Variants in MLLT10 observed in about 807,000 individuals in gnomAD.
MLLT10 encodes the protein MLLT10 histone lysine methyltransferase DOT1L cofactor, also known as protein AF-10.
Under a neutral mutation model 129.1 loss-of-function variants are expected in MLLT10, and 30 were observed. That is an observed-to-expected ratio of 0.23 (90% CI 0.17 to 0.32). MLLT10 has a LOEUF of 0.32. MLLT10 is among the 10% of genes least tolerant of loss of function. MLLT10 has a pLI of 1.00. For synonymous variants in MLLT10, 490 were observed against 446.4 expected, an observed-to-expected ratio of 1.10 and a Z score of -1.23; for missense variants, 1,119 against 1,268.3, an observed-to-expected ratio of 0.88 and a Z score of 1.79.
chr10:21,546,911 C>T (rs538256061), intron 3 of MLLT10, among the ~76,000 whole-genome samples: 4 of 152,106 alleles, frequency 2.6e-5, no homozygotes, highest in African/African-American at 9.6e-5. Flanking sequence ...ATAGTAGAGA[C>T]GGGGTTTCTC....
intron 3 of MLLT10, among the ~76,000 whole-genome samples, chr10:21,561,390 A>T (rs1279987707): frequency 6.6e-6 from 1 of 152,120 alleles, no homozygotes; most frequent in Non-Finnish European, 1.5e-5. Flanking sequence ...CCTTCCGAGT[A>T]GCTGGGACTA....
chr10:21,682,347 T>C (rs2052827005), intron 13 of MLLT10, 90 bp downstream of exon 13: 1 of 1,268,672 alleles, frequency 7.9e-7, no homozygotes, highest in Non-Finnish European at 1.1e-6. Context: ...GCATGTTCTA[T>C]TGATTAGATG....
chr10:21,553,118 ATCT>A (rs1158451211), intron 3 of MLLT10, among the ~76,000 whole-genome samples: 1 of 152,132 alleles, frequency 6.6e-6, no homozygotes, highest in East Asian at 1.9e-4. Context: ...AAGAAGGCAC[ATCT>A]TCTGGCAGCT....
chr10:21,539,851 A>G (rs575249067), intron 3 of MLLT10, among the ~76,000 whole-genome samples: 21 of 152,160 alleles, frequency 1.4e-4, no homozygotes, highest in African/African-American at 4.8e-4. Context: ...AGGCTGAGGC[A>G]GGAGAATGGC....
chr10:21,733,892 C>T lies in MLLT10; in HGVS notation c.2621C>T (p.Thr874Ile). Residue 874 changes from threonine to isoleucine, a missense_variant, in exon 20 of 23, where the codon ACA becomes ATA. Physicochemically the swap from Thr to Ile is moderately conservative, Grantham distance 89. Around this residue, in one of 5 missense-constraint regions of MLLT10, gnomAD observed 1,004 missense variants for 1,008.7 expected, o/e 1.00. Coordinates refer to ENST00000307729, the MANE Select transcript of MLLT10 (RefSeq NM_001195626.3). ...VSGVQQVNGV[T>I]VGALASGMQP... The stretch of plus-strand genomic sequence containing the variant: ...GGAGTTCAGCAGGTCAATGGCGTGA[C>T]AGTGGGGGCACTAGCTAGTGGAATG... The T allele has an allele frequency of 1.2e-6, 2 of 1,614,182 alleles. No individual in the cohort carries two copies. Among genetic ancestry groups the T allele is most frequent in the Non-Finnish European group, 1.7e-6 (2 of 1,180,024 alleles).
chr10:21,562,765 G>A (rs1470771747), intron 3 of MLLT10, among the ~76,000 whole-genome samples: 1 of 143,554 alleles, frequency 7.0e-6, no homozygotes, highest in Non-Finnish European at 1.5e-5. Flanking sequence ...ATTTTTCTGT[G>A]TACGAATCTT....
At chr10:21,719,593 A>G (rs888336388) in intron 14 of MLLT10, among the ~76,000 whole-genome samples, 1 of 152,184 alleles carries the variant, frequency 6.6e-6, no homozygotes, top group African/African-American at 2.4e-5. Flanking sequence ...GTGTGATGCA[A>G]TGCAGAAGAG....
intron 9 of MLLT10, among the ~76,000 whole-genome samples, chr10:21,664,076 A>G (rs1428678497): frequency 6.6e-6 from 1 of 152,224 alleles, no homozygotes; most frequent in East Asian, 1.9e-4. Flanking sequence ...TTGTGTTTTC[A>G]TTTTTATTTA....
intron 8 of MLLT10, chr10:21,626,214 G>C: frequency 1.3e-6 from 2 of 1,596,962 alleles, no homozygotes; most frequent in Admixed American, 3.3e-5. Context: ...AGTACAGACA[G>C]AGCTCCTTCT....
At chr10:21,537,942 A>G (rs1236258504) in intron 2 of MLLT10, among the ~76,000 whole-genome samples, 1 of 152,106 alleles carries the variant, frequency 6.6e-6, no homozygotes, top group Non-Finnish European at 1.5e-5. Flanking sequence ...CTGTGATTAG[A>G]TATGTGATGT....
chr10:21,539,496 G>C (rs1305260759), intron 3 of MLLT10, among the ~76,000 whole-genome samples: 2 of 151,092 alleles, frequency 1.3e-5, no homozygotes, highest in East Asian at 1.9e-4. Context: ...AGGAGGTGCC[G>C]GGTGCAGTGG....
chr10:21,720,709 C>T (rs1229510987), intron 14 of MLLT10, among the ~76,000 whole-genome samples: 2 of 152,112 alleles, frequency 1.3e-5, no homozygotes, highest in Non-Finnish European at 2.9e-5. Flanking sequence ...AGGTTTTAAT[C>T]TTTGAAATAT....
At chr10:21,646,033 C>T (rs970602764) in intron 8 of MLLT10, among the ~76,000 whole-genome samples, 4 of 152,032 alleles carry the variant, frequency 2.6e-5, no homozygotes, top group East Asian at 1.9e-4. Context: ...GATGAAATCC[C>T]GTCTCTACTA....
At chr10:21,722,448 G>T (rs1330008908) in intron 14 of MLLT10, among the ~76,000 whole-genome samples, 1 of 152,156 alleles carries the variant, frequency 6.6e-6, no homozygotes, top group East Asian at 1.9e-4. Context: ...CTGTAGAGAA[G>T]TATGTGTATG....
intron 8 of MLLT10, chr10:21,625,881 C>T: frequency 2.6e-6 from 2 of 780,702 alleles, no homozygotes; most frequent in Non-Finnish European, 4.8e-6. Flanking sequence ...ATGGGACTGG[C>T]CTTCTCAAAA....
At chr10:21,721,546 T>G (rs559175520) in intron 14 of MLLT10, among the ~76,000 whole-genome samples, 1 of 152,254 alleles carries the variant, frequency 6.6e-6, no homozygotes, top group South Asian at 2.1e-4. Context: ...AACATCTCTG[T>G]GGTCATAGGC....
intron 9 of MLLT10, among the ~76,000 whole-genome samples, chr10:21,667,362 TG>T (rs1040361746): frequency 6.6e-5 from 10 of 150,872 alleles, no homozygotes; most frequent in African/African-American, 2.4e-4. Context: ...TCTTAAACTG[TG>T]GGGGTTTTTT....
chr10:21,680,550 A>G (rs1326651459), intron 11 of MLLT10, among the ~76,000 whole-genome samples: 1 of 152,154 alleles, frequency 6.6e-6, no homozygotes, highest in Non-Finnish European at 1.5e-5. Context: ...ATATAACTTA[A>G]TGAGTTTTAT....
intron 14 of MLLT10, among the ~76,000 whole-genome samples, chr10:21,715,837 C>T (rs1199963437): frequency 6.6e-6 from 1 of 152,206 alleles, no homozygotes; most frequent in Non-Finnish European, 1.5e-5. Context: ...TACTATTTAT[C>T]CCCTCTCCAT....
Sources: gnomAD v4.1 joint callset for allele counts (sites outside exome capture counted in the v4.1 genomes callset) on GRCh38, gnomAD v4.1.1 for gene constraint, gnomAD v4.1.1 regional missense constraint, MANE v1.5 for transcripts, NCBI Gene and HGNC (gene_info 2026-07-23, HGNC 2026-07-21) for gene names.